The following TRPM2 variants were observed in gnomAD, a reference collection of about 807,000 sequenced individuals.
TRPM2 encodes the protein transient receptor potential cation channel subfamily M member 2, also known as estrogen-responsive element-associated gene 1 protein.
Under a neutral mutation model 174.0 loss-of-function variants are expected in TRPM2, and 161 were observed. The observed-to-expected ratio is 0.93, with a 90% CI of 0.81 to 1.05. The LOEUF is 1.05. Ranked by LOEUF, TRPM2 falls within the 50% of genes least tolerant of loss-of-function variation. The pLI, the probability that TRPM2 is intolerant of heterozygous loss-of-function variation, is 0.00. For missense variants in TRPM2, 2,057 were observed against 2,038.0 expected (o/e 1.01, Z -0.18); for synonymous variants, 954 against 861.3 (o/e 1.11, Z -1.88).
At position 44,400,367 on chromosome 21, in the gene TRPM2, T is replaced by C; in HGVS notation, c.2317T>C (p.Phe773Leu). Residue 773 changes from phenylalanine to leucine, a missense_variant, in exon 15 of 32, where the codon TTC (phenylalanine) becomes CTC (leucine). By Grantham distance (22) the Phe-to-Leu change is conservative. Coordinates refer to ENST00000397928, the MANE Select transcript of TRPM2 (RefSeq NM_003307.4). Reference sequence around the variant, plus strand: ...GCTGCTCCTCACCGGCCTCATCTCCTTCAGGTGCTGCAGGGCTGCGGGGCT... The same window carrying C: ...GCTGCTCCTCACCGGCCTCATCTCCCTCAGGTGCTGCAGGGCTGCGGGGCT... ...FPLLLTGLIS[F>L]REKRLQDVGT... The C allele has an allele frequency of 6.2e-7, 1 of 1,610,664 alleles. No individual in the cohort carries two copies. Among genetic ancestry groups the C allele is most frequent in the Non-Finnish European group, 8.5e-7 (1 of 1,179,174 alleles).
intron 19 of TRPM2, among the ~76,000 whole-genome samples, chr21:44,407,824 C>T (rs1784629407): frequency 2.0e-5 from 3 of 151,708 alleles, no homozygotes; most frequent in Admixed American, 2.0e-4. Flanking sequence ...TTTTGTTCAT[C>T]CATTCATCAG....
intron 27 of TRPM2, among the ~76,000 whole-genome samples, chr21:44,428,356 T>A (rs913178527): frequency 2.6e-5 from 4 of 152,080 alleles, no homozygotes; most frequent in Admixed American, 6.5e-5. Context: ...TGCTAAGATC[T>A]GGCCCCTCCC....
intron 22 of TRPM2, among the ~76,000 whole-genome samples, chr21:44,422,575 C>T (rs1264344967): frequency 2.6e-5 from 4 of 152,182 alleles, no homozygotes; most frequent in African/African-American, 9.7e-5. Flanking sequence ...AAAATAGTTG[C>T]TCAGTGTATT....
intron 8 of TRPM2, 104 bp from the exon 9 acceptor site, chr21:44,382,614 G>A: frequency 1.8e-6 from 2 of 1,095,000 alleles, no homozygotes; most frequent in South Asian, 1.4e-5. Context: ...GCGCAGGCAG[G>A]ACCCAAGGCT....
At position 44,391,400 on chromosome 21, in the gene TRPM2, C is replaced by T. The variant is rs747647717; in HGVS notation, c.1569C>T (p.Tyr523=). ...CCTGGGACACCTTGCTCTACCTGTA[C>T]GAGAACCTGGACCCCTCCTGCCTGT... is the stretch of plus-strand genomic sequence containing the variant. ...FVTWDTLLYL[Y]ENLDPSCLFH... is the part of the protein sequence containing the mutation. The change falls in exon 11 of 32, where the codon TAC becomes TAT. Residue 523 remains tyrosine (Y), a synonymous_variant. Coordinates refer to ENST00000397928, the MANE Select transcript of TRPM2 (RefSeq NM_003307.4). This position sits in a 1 kb window ranked among gnomAD's most constrained non-coding sequence, Gnocchi z 5.0. The T allele has an allele frequency of 1.7e-5, 28 of 1,614,016 alleles. No individual in the cohort carries two copies. The highest frequency in any genetic ancestry group is 6.7e-5 in the Admixed American group (4 of 60,018).
chr21:44,398,665 G>A (rs2049510697), intron 13 of TRPM2, among the ~76,000 whole-genome samples: 1 of 152,166 alleles, frequency 6.6e-6, no homozygotes, highest in South Asian at 2.1e-4. Flanking sequence ...GCTGTCTGCT[G>A]TTTCTGCGTG....
intron 2 of TRPM2, among the ~76,000 whole-genome samples, chr21:44,359,248 T>C (rs545773765): frequency 1.3e-5 from 2 of 152,256 alleles, no homozygotes; most frequent in Admixed American, 1.3e-4. Flanking sequence ...TATGGTGTGC[T>C]GATTGGCGCA....
intron 2 of TRPM2, among the ~76,000 whole-genome samples, chr21:44,362,395 G>A (rs1004089962): frequency 2.0e-5 from 3 of 149,698 alleles, no homozygotes; most frequent in Non-Finnish European, 4.4e-5. Flanking sequence ...GCCTGTGGTC[G>A]CAGCTACTTG....
chr21:44,415,912 T>C (rs1170535931), intron 20 of TRPM2: 1 of 151,952 alleles, frequency 6.6e-6, no homozygotes, highest in Non-Finnish European at 1.5e-5. Flanking sequence ...ACAAATTAAA[T>C]GCTGAGGACC....
At chr21:44,397,641 G>A (rs111608837) in intron 12 of TRPM2, 106 bp from the exon 13 acceptor site, 31 of 1,303,610 alleles carry the variant, frequency 2.4e-5, no homozygotes, top group Admixed American at 2.9e-5. Flanking sequence ...CCAGTGGCCC[G>A]CACTGTCCCC....
Position 44,438,729 on chromosome 21 carries a change from C to T in TRPM2, c.4168-338C>T, listed in dbSNP as rs2051371313. Reference sequence around the variant, plus strand: ...TGCACTGGGCGGGAGCTGGGAGGGGCGACGCGGGGGCAGGCGCCAGGGGAG... The same window carrying T: ...TGCACTGGGCGGGAGCTGGGAGGGGTGACGCGGGGGCAGGCGCCAGGGGAG... On this transcript the variant is annotated intron_variant, in intron 29 of 31. Transcript: ENST00000397928. The surrounding 1 kb of genome is among the most constrained non-coding windows in gnomAD (Gnocchi z 5.9). 1.3e-5 allele frequency among the ~76,000 whole-genome samples: 2 copies of T among 152,090 alleles called. No individual in the cohort carries two copies. Among genetic ancestry groups the T allele is most frequent in the African/African-American group, 2.4e-5 (1 of 41,420 alleles).
intron 12 of TRPM2, among the ~76,000 whole-genome samples, chr21:44,396,924 G>A (rs1416033625): frequency 1.4e-5 from 2 of 143,688 alleles, no homozygotes; most frequent in African/African-American, 5.2e-5. Context: ...GTGGAGGGGT[G>A]TGGGGGGTTG....
rs1257442921 is a variant in TRPM2 at position 44,399,472 on chromosome 21, G to A, written c.2208+31G>A. 6.3e-7 allele frequency: 1 copy of A among 1,596,936 alleles called. No individual in the cohort carries two copies. Among genetic ancestry groups the A allele is most frequent in the Non-Finnish European group, 8.5e-7 (1 of 1,171,290 alleles). On this transcript the variant is annotated intron_variant, in intron 14 of 31. Coordinates refer to ENST00000397928, the MANE Select transcript of TRPM2 (RefSeq NM_003307.4). The surrounding 1 kb of genome is among the most constrained non-coding windows in gnomAD (Gnocchi z 4.6). ...CTCCCAAGAGCCCCTTCCAGAAACA[G>A]ACGCCTGTGGTGCCTGCAGGGCGGA...
chr21:44,439,119 G>A lies in TRPM2; in HGVS notation c.4220G>A (p.Arg1407Gln), dbSNP rs759912127. The A allele has an allele frequency of 1.7e-5, 27 of 1,613,646 alleles. No individual in the cohort carries two copies. Among genetic ancestry groups the A allele is most frequent in the South Asian group, 8.8e-5 (8 of 91,074 alleles). Residue 1407 changes from arginine (R) to glutamine (Q), a missense_variant, in exon 30 of 32, where the codon CGG (arginine) becomes CAG (glutamine). By Grantham distance (43) the Arg-to-Gln change is conservative. Coordinates refer to ENST00000397928, the MANE Select transcript of TRPM2 (RefSeq NM_003307.4). This position sits in a 1 kb window ranked among gnomAD's most constrained non-coding sequence, Gnocchi z 5.1. ...CCTCGGAAGCTGAAGCGGATCCTCC[G>A]GCAGGAGCACTGGCCGTCTTTTGAA... is the stretch of plus-strand genomic sequence containing the variant. ...MLPRKLKRIL[R>Q]QEHWPSFENL...
rs538049062 is a variant in TRPM2, at chr21:44,364,129, G to A, written c.270G>A (p.Gln90=). ...KLSDAGKVVC[Q]CGYTHEQHLE... ...GTCTTTGCAGGAAGGTGGTGTGTCA[G>A]TGTGGCTACACGCATGAGCAGCACT... The change falls in exon 3 of 32, where the codon CAG becomes CAA. Residue 90 remains glutamine, a synonymous_variant. Transcript: ENST00000397928. 6 of 1,613,940 alleles carry A rather than the reference G, an allele frequency of 3.7e-6. No individual in the cohort carries two copies. Among genetic ancestry groups the A allele is most frequent in the Admixed American group, 1.7e-5 (1 of 59,996 alleles).
At chr21:44,369,497 G>A (rs1423727440) in intron 5 of TRPM2, among the ~76,000 whole-genome samples, 154 bp downstream of exon 5, 1 of 129,306 alleles carries the variant, frequency 7.7e-6, no homozygotes, top group African/African-American at 2.9e-5. Flanking sequence ...TGCGGGGGCC[G>A]GGGTGTGGGT....
chr21:44,375,961 T>C lies in TRPM2; in HGVS notation c.900T>C (p.Pro300=), dbSNP rs2048686547. ...GTHGQYGVEI[P]LRTRLEKFIS... ...ACGGCCAGTACGGGGTGGAGATTCC[T>C]CTGAGGACCAGGCTGGAGAAGTTCA... The change falls in exon 6 of 32, where the codon CCT becomes CCC. Residue 300 remains proline (P), a synonymous_variant. Coordinates refer to ENST00000397928, the MANE Select transcript of TRPM2 (RefSeq NM_003307.4). The C allele has an allele frequency of 1.2e-6, 2 of 1,613,950 alleles. No homozygotes were observed. Among genetic ancestry groups the C allele is most frequent in the Admixed American group, 1.7e-5 (1 of 59,998 alleles).
chr21:44,372,377 T>C (rs2048567512), intron 5 of TRPM2, among the ~76,000 whole-genome samples: 1 of 151,154 alleles, frequency 6.6e-6, no homozygotes, highest in Non-Finnish European at 1.5e-5. Context: ...GCGACTGTAA[T>C]CCCAGCTACT....
At position 44,441,889 on chromosome 21, in the gene TRPM2, C is replaced by T; in HGVS notation, c.*72C>T. On this transcript the variant is annotated 3_prime_UTR_variant, in exon 32 of 32. Coordinates refer to ENST00000397928, the MANE Select transcript of TRPM2 (RefSeq NM_003307.4). ...GAAACCAGGGCTTCTCTCTCCTGAG[C>T]CTGGCCAGGACTCAGGCTGTTCCTG... is the stretch of plus-strand genomic sequence containing the variant. 1.3e-6 allele frequency: 2 copies of T among 1,507,774 alleles called. No homozygotes were observed. Among genetic ancestry groups the T allele is most frequent in the Non-Finnish European group, 1.8e-6 (2 of 1,126,922 alleles). The allele number at this position is 1,507,774 out of a possible 1,614,324, so 93.4% of individuals were successfully genotyped here.
Sources: gnomAD v4.1 joint callset for allele counts (sites outside exome capture counted in the v4.1 genomes callset) on GRCh38, gnomAD v4.1.1 for gene constraint, Gnocchi (gnomAD v3.1) non-coding constraint, MANE v1.5 for transcripts, NCBI Gene and HGNC (gene_info 2026-07-23, HGNC 2026-07-21) for gene names.